Variants in LUM observed in about 807,000 individuals in gnomAD.
LUM encodes the protein lumican.
LUM carries 13 observed loss-of-function variants against 20.5 expected under a neutral mutation model. That is an observed-to-expected ratio of 0.63 (90% CI 0.41 to 1.01). LUM has a LOEUF of 1.01. LUM is among the 50% of genes least tolerant of loss of function. LUM has a pLI of 0.00. For missense variants in LUM, 321 were observed against 391.1 expected (o/e 0.82, Z 1.51); for synonymous variants, 173 against 151.5 (o/e 1.14, Z -1.04).
chr12:91,108,814 G>A lies in LUM; in HGVS notation c.166C>T (p.Leu56=). The part of the protein sequence containing the change: ...SYPSAMYCDE[L]KLKSVPMVPP... Reference sequence around the variant, plus strand: ...ACCATTGGTACACTTTTCAATTTCAGCTCATCACAGTACATGGCACTTGGG... The same window carrying A: ...ACCATTGGTACACTTTTCAATTTCAACTCATCACAGTACATGGCACTTGGG... Residue 56 remains leucine, a synonymous_variant, in exon 2 of 3, where the codon CTG becomes TTG. Transcript: ENST00000266718. The surrounding 1 kb of genome is among the most constrained non-coding windows in gnomAD (Gnocchi z 4.2). 1 of 1,613,974 alleles carries A rather than the reference G, an allele frequency of 6.2e-7. No individual in the cohort carries two copies. Among genetic ancestry groups the A allele is most frequent in the African/African-American group, 1.3e-5 (1 of 75,016 alleles).
chr12:91,111,080 A>G (rs983174491), intron 1 of LUM, among the ~76,000 whole-genome samples: 1 of 152,198 alleles, frequency 6.6e-6, no homozygotes, highest in African/African-American at 2.4e-5. Context: ...ACTAACATAT[A>G]TAACTAACTA....
At chr12:91,111,174 T>A (rs77935559) in intron 1 of LUM, among the ~76,000 whole-genome samples, 4,740 of 152,262 alleles carry the variant, frequency 0.031, 248 homozygotes, top group East Asian at 0.26. Flanking sequence ...TGAAACTTTT[T>A]ATAACTTCTC....
At chr12:91,107,346 G>GA (rs1880102170) in intron 2 of LUM, among the ~76,000 whole-genome samples, 1 of 133,190 alleles carries the variant, frequency 7.5e-6, no homozygotes, top group African/African-American at 2.8e-5. Flanking sequence ...AGAAAGAAAG[G>GA]GAAAGAAAGG....
intron 1 of LUM, among the ~76,000 whole-genome samples, chr12:91,110,478 T>C (rs1231532925): frequency 6.6e-6 from 1 of 152,196 alleles, no homozygotes; most frequent in Non-Finnish European, 1.5e-5. Flanking sequence ...GCATTTAATT[T>C]TGCTGACAGA....
chr12:91,105,945 T>G (rs925572928), intron 2 of LUM, among the ~76,000 whole-genome samples: 4 of 152,210 alleles, frequency 2.6e-5, no homozygotes, highest in Non-Finnish European at 2.9e-5. Flanking sequence ...AGCATTTTGG[T>G]CTGTCAGAGA....
At chr12:91,109,924 T>C (rs559293522) in intron 1 of LUM, among the ~76,000 whole-genome samples, 162 of 152,114 alleles carry the variant, frequency 1.1e-3, no homozygotes, top group Non-Finnish European at 1.7e-3. Context: ...GGGAGAGAGG[T>C]GTGATGTTTT....
chr12:91,110,408 T>C (rs993118084), intron 1 of LUM, among the ~76,000 whole-genome samples: 1 of 152,196 alleles, frequency 6.6e-6, no homozygotes, highest in African/African-American at 2.4e-5. Context: ...CTTTGATTGC[T>C]GACATAAGGT....
intron 2 of LUM, among the ~76,000 whole-genome samples, chr12:91,105,507 T>C (rs1157972005): frequency 6.6e-6 from 1 of 152,196 alleles, no homozygotes; most frequent in East Asian, 1.9e-4. Context: ...TTTGGCTATA[T>C]ATTCCCTAAT....
chr12:91,103,895 G>C lies in LUM; in HGVS notation c.*270C>G, dbSNP rs1430137163. The stretch of plus-strand genomic sequence containing the variant: ...GCTGATTTCCATGCAACCAGTAAAA[G>C]GTTTTGCACATCATTTGACAGTAGA... On this transcript the variant is annotated 3_prime_UTR_variant, in exon 3 of 3. Coordinates refer to ENST00000266718, the MANE Select transcript of LUM (RefSeq NM_002345.4). 1.1e-5 allele frequency: 3 copies of C among 270,930 alleles called. No individual in the cohort carries two copies. Among genetic ancestry groups the C allele is most frequent in the Non-Finnish European group, 2.1e-5 (3 of 143,038 alleles). The allele number at this position is 270,930 out of a possible 1,614,324, so 16.8% of individuals were successfully genotyped here. A position where few individuals can be genotyped will look rare whatever the true frequency, so the allele number is the denominator to read the frequency against.
intron 1 of LUM, among the ~76,000 whole-genome samples, chr12:91,109,582 A>C (rs562295046): frequency 5.5e-4 from 84 of 152,244 alleles, no homozygotes; most frequent in African/African-American, 1.9e-3. Context: ...GTGCATGCAT[A>C]CTAGTTCATG....
Position 91,103,677 on chromosome 12 carries a change from T to G in LUM, c.*488A>C, listed in dbSNP as rs1026377063. 6.6e-6 allele frequency: 1 copy of G among 152,384 alleles called. No homozygotes were observed. The highest frequency in any genetic ancestry group is 1.5e-5 in the Non-Finnish European group (1 of 68,166). 9.4% of individuals were successfully genotyped at this position (152,384 alleles called of 1,614,324 possible). On this transcript the variant is annotated 3_prime_UTR_variant, in exon 3 of 3. Coordinates refer to ENST00000266718, the MANE Select transcript of LUM (RefSeq NM_002345.4). ...TTTCACTAGGTAAGTATGCAAATTC[T>G]TATTCTAAAAATACTTCTTTAAGTG...
Position 91,108,054 on chromosome 12 carries a change from T to C in LUM, c.862+64A>G. ...AATGGAGCCAGATGCAATATCTGTG[T>C]TGTGCAGCCCAGGTATTTAAACACT... On this transcript the variant is annotated intron_variant, in intron 2 of 2. Transcript: ENST00000266718. The surrounding 1 kb of genome is among the most constrained non-coding windows in gnomAD (Gnocchi z 4.2). 1 of 1,542,324 alleles carries C rather than the reference T, an allele frequency of 6.5e-7. No individual in the cohort carries two copies. The highest frequency in any genetic ancestry group is 9.0e-7 in the Non-Finnish European group (1 of 1,115,332).
At position 91,105,314 on chromosome 12, in the gene LUM, C is replaced by T. The variant is rs1017055458; in HGVS notation, c.863-995G>A. On this transcript the variant is annotated intron_variant, in intron 2 of 2. Transcript: ENST00000266718. ...GTTAGAAATAACACATCTATCTTAC[C>T]GTGTTGCATGAAGATTAAATTAAGT... Among the ~76,000 whole-genome samples, 11 of 152,038 alleles carry T rather than the reference C, an allele frequency of 7.2e-5. No individual in the cohort carries two copies. In the East Asian group the frequency reaches 7.7e-4, roughly 11 times the overall value.
chr12:91,107,846 G>C (rs908236601), intron 2 of LUM, among the ~76,000 whole-genome samples: 3 of 151,934 alleles, frequency 2.0e-5, no homozygotes, highest in Non-Finnish European at 4.4e-5. Flanking sequence ...CTCCTGAGTA[G>C]CTGGGATTAC....
chr12:91,102,883 T>G lies in LUM; in HGVS notation c.*1282A>C, dbSNP rs1677262986. On this transcript the variant is annotated 3_prime_UTR_variant, in exon 3 of 3. Transcript: ENST00000266718. The stretch of plus-strand genomic sequence containing the variant: ...CTAAAAGTGGTGTGTTAAAACATTT[T>G]ATGCCTTAGAGATACATTTTATTTG... 1.3e-5 allele frequency: 2 copies of G among 152,134 alleles called. No individual in the cohort carries two copies. Among genetic ancestry groups the G allele is most frequent in the Non-Finnish European group, 2.9e-5 (2 of 67,984 alleles). The allele number at this position is 152,134 out of a possible 1,614,324, so 9.4% of individuals were successfully genotyped here. A position where few individuals can be genotyped will look rare whatever the true frequency, so the allele number is the denominator to read the frequency against.
At chr12:91,106,139 C>A (rs1232487978) in intron 2 of LUM, among the ~76,000 whole-genome samples, 1 of 152,144 alleles carries the variant, frequency 6.6e-6, no homozygotes, top group Non-Finnish European at 1.5e-5. Flanking sequence ...ACATGTGGAG[C>A]TTCAGAGTTG....
intron 1 of LUM, among the ~76,000 whole-genome samples, chr12:91,110,219 CTG>C (rs1219229397): frequency 2.6e-5 from 4 of 152,112 alleles, no homozygotes; most frequent in Non-Finnish European, 5.9e-5. Flanking sequence ...TAATAGATAA[CTG>C]AGAATATTAT....
At position 91,108,285 on chromosome 12, in the gene LUM, T is replaced by C. The variant is rs1880124942; in HGVS notation, c.695A>G (p.Gln232Arg). 1 of 1,614,088 alleles carries C rather than the reference T, an allele frequency of 6.2e-7. No homozygotes were observed. Among genetic ancestry groups the C allele is most frequent in the Non-Finnish European group, 8.5e-7 (1 of 1,180,026 alleles). Residue 232 changes from glutamine (Q) to arginine (R), a missense_variant, in exon 2 of 3, where the codon CAG becomes CGG. Transcript: ENST00000266718. This position sits in a 1 kb window ranked among gnomAD's most constrained non-coding sequence, Gnocchi z 4.2. ...DEYFKRFNAL[Q>R]YLRLSHNELA... ...TTCGTTGTGAGATAAACGCAGATAC[T>C]GCAATGCATTAAAACGCTTGAAATA... is the stretch of plus-strand genomic sequence containing the variant.
rs1879982685 is a variant in LUM at position 91,104,312 on chromosome 12, G to A, written c.870C>T (p.Asp290=). 3 of 1,610,002 alleles carry A rather than the reference G, an allele frequency of 1.9e-6. No homozygotes were observed. The highest frequency in any genetic ancestry group is 2.5e-6 in the Non-Finnish European group (3 of 1,177,410). Reference sequence around the variant, plus strand: ...CCAGGATCTTGCAGAAGCTCTTTATGTCAAACTCTAAAAATTAAAGAATAG... The same window carrying A: ...CCAGGATCTTGCAGAAGCTCTTTATATCAAACTCTAAAAATTAAAGAATAG... ...YLEVNQLEKF[D]IKSFCKILGP... The change falls in exon 3 of 3, where the codon GAC becomes GAT. Residue 290 remains aspartate (D), a synonymous_variant. Coordinates refer to ENST00000266718, the MANE Select transcript of LUM (RefSeq NM_002345.4).
Sources: gnomAD v4.1 joint callset for allele counts (sites outside exome capture counted in the v4.1 genomes callset) on GRCh38, gnomAD v4.1.1 for gene constraint, Gnocchi (gnomAD v3.1) non-coding constraint, MANE v1.5 for transcripts, NCBI Gene and HGNC (gene_info 2026-07-23, HGNC 2026-07-21) for gene names.